The following DNAJC12 variants were observed in gnomAD, a reference collection of about 807,000 sequenced individuals.
DNAJC12 encodes the protein DnaJ heat shock protein family (Hsp40) member C12, also known as dnaJ homolog subfamily C member 12.
In DNAJC12, 25 loss-of-function variants were observed where a neutral mutation model predicts 28.5. The ratio of observed to expected loss-of-function variants is 0.88; its 90% CI spans 0.64 to 1.22. The LOEUF is 1.22. Ranked by LOEUF, DNAJC12 falls within the 50% of genes most tolerant of loss-of-function variation. DNAJC12 has a pLI of 0.00. For missense variants in DNAJC12, 222 were observed against 231.7 expected, an observed-to-expected ratio of 0.96 and a Z score of 0.27; for synonymous variants, 77 against 80.6, an observed-to-expected ratio of 0.95 and a Z score of 0.24.
intron 1 of DNAJC12, among the ~76,000 whole-genome samples, chr10:67,836,423 C>T (rs556206439): frequency 2.1e-4 from 32 of 150,368 alleles, no homozygotes; most frequent in Non-Finnish European, 3.8e-4. Flanking sequence ...GATATAATGA[C>T]CCTTACTGTA....
intron 2 of DNAJC12, among the ~76,000 whole-genome samples, chr10:67,811,909 C>T (rs534119690): frequency 1.3e-5 from 2 of 152,172 alleles, no homozygotes; most frequent in South Asian, 2.1e-4. Flanking sequence ...AGGCTACTCC[C>T]GGTGCTGATG....
At position 67,819,698 on chromosome 10, in the gene DNAJC12, GGAAGGAAGGAAGGAAGGAAGC is replaced by G. The variant is rs1564863267; in HGVS notation, c.157+3595_157+3615del. 7.5e-4 allele frequency among the ~76,000 whole-genome samples: 18 copies of G among 24,084 alleles called. 1 individual carries two copies. The highest frequency in any genetic ancestry group is 1.6e-3 in the Admixed American group (3 of 1,904). 15.8% of individuals were successfully genotyped at this position (24,084 alleles called of 152,430 possible). A position where few individuals can be genotyped will look rare whatever the true frequency, so the allele number is the denominator to read the frequency against. On this transcript the variant is annotated intron_variant, in intron 2 of 4. Transcript: ENST00000225171. ...AGAAAGAAAGAAAGAAAGAAAGAAA[GGAAGGAAGGAAGGAAGGAAGC>G]AAGGAAGGAAGGAAGGAAGGAAGGA...
At chr10:67,807,582 T>C (rs1021344483) in intron 3 of DNAJC12, among the ~76,000 whole-genome samples, 7 of 152,238 alleles carry the variant, frequency 4.6e-5, no homozygotes, top group Admixed American at 1.3e-4. Flanking sequence ...AGGCTGCCAG[T>C]GACTTCCTCT....
At chr10:67,823,508 C>G in intron 1 of DNAJC12, 116 bp from the exon 2 acceptor site, 1 of 768,726 alleles carries the variant, frequency 1.3e-6, no homozygotes, top group Non-Finnish European at 2.2e-6. Flanking sequence ...TAAGACCAGC[C>G]TGGACAACAA....
chr10:67,816,144 T>A (rs1387995564), intron 2 of DNAJC12: 1 of 398,396 alleles, frequency 2.5e-6, no homozygotes, highest in Non-Finnish European at 4.4e-6. Flanking sequence ...CTTCAAAATA[T>A]AGAGGTTATT....
chr10:67,826,951 TCATG>T (rs1842043067), intron 1 of DNAJC12, among the ~76,000 whole-genome samples: 1 of 142,904 alleles, frequency 7.0e-6, no homozygotes, highest in Non-Finnish European at 1.5e-5. Flanking sequence ...ATAATATATA[TCATG>T]ATTTATATAT....
At chr10:67,835,816 T>C (rs892086934) in intron 1 of DNAJC12, among the ~76,000 whole-genome samples, 1 of 152,032 alleles carries the variant, frequency 6.6e-6, no homozygotes, top group African/African-American at 2.4e-5. Flanking sequence ...TATCTAGATA[T>C]GATATGCCAT....
intron 1 of DNAJC12, among the ~76,000 whole-genome samples, chr10:67,825,144 C>A (rs979915896): frequency 6.6e-6 from 1 of 152,122 alleles, no homozygotes; most frequent in Non-Finnish European, 1.5e-5. Flanking sequence ...ATATAAGTAG[C>A]GCACTTAACA....
At chr10:67,800,644 C>T (rs1041602663) in intron 4 of DNAJC12, among the ~76,000 whole-genome samples, 4 of 152,074 alleles carry the variant, frequency 2.6e-5, no homozygotes, top group South Asian at 2.1e-4. Context: ...AAAATCATTG[C>T]GTACATTTAA....
chr10:67,797,738 T>C (rs1265575241), intron 4 of DNAJC12, among the ~76,000 whole-genome samples: 1 of 152,146 alleles, frequency 6.6e-6, no homozygotes, highest in Admixed American at 6.5e-5. Context: ...TTTATCAAAC[T>C]CGTTAAAATG....
intron 1 of DNAJC12, chr10:67,825,264 T>C (rs936959331): frequency 2.0e-5 from 3 of 152,206 alleles, no homozygotes. Flanking sequence ...GCTGAGTTTT[T>C]TGTTAAGTTA....
At chr10:67,811,262 A>T (rs1841855357) in intron 3 of DNAJC12, 5 of 1,237,668 alleles carry the variant, frequency 4.0e-6, no homozygotes, top group Non-Finnish European at 5.1e-6. Context: ...AGTAAGCAAT[A>T]ACAGGGAGTG....
chr10:67,826,109 G>C (rs767195844), intron 1 of DNAJC12, among the ~76,000 whole-genome samples: 19 of 150,924 alleles, frequency 1.3e-4, no homozygotes, highest in Non-Finnish European at 2.7e-4. Context: ...CAAGAGAACA[G>C]ATTATATCCT....
chr10:67,824,420 T>A (rs564235095), intron 1 of DNAJC12, among the ~76,000 whole-genome samples: 14 of 152,078 alleles, frequency 9.2e-5, no homozygotes, highest in African/African-American at 3.4e-4. Context: ...TGTCTTTTGG[T>A]CTTTTTCTTT....
chr10:67,806,156 T>C (rs930286509), intron 3 of DNAJC12, among the ~76,000 whole-genome samples: 4 of 152,168 alleles, frequency 2.6e-5, no homozygotes, highest in African/African-American at 9.7e-5. Context: ...TCAAGTGGAA[T>C]CATTAGCCCT....
In DNAJC12 at chr10:67,809,455, A is replaced by G. The variant is rs180734462; in HGVS notation, c.297+2069T>C. Among the ~76,000 whole-genome samples, 42 of 152,320 alleles carry G rather than the reference A, an allele frequency of 2.8e-4. No individual in the cohort carries two copies. In the East Asian group the frequency reaches 6.6e-3, roughly 24 times the overall value. On this transcript the variant is annotated intron_variant, in intron 3 of 4. Transcript: ENST00000225171. Reference sequence around the variant, plus strand: ...ACTACATGTCTAAATTTAAATCGCCAACATATTCATTGACCTGGGTGAGGT... The same window carrying G: ...ACTACATGTCTAAATTTAAATCGCCGACATATTCATTGACCTGGGTGAGGT...
rs143933195 is a variant in DNAJC12 at position 67,827,057 on chromosome 10, G to A, written c.79-3665C>T. ...AGGTAGAAAGTTTTGGGGGTTTATCGTTGCTGTTGTTTTATTTTTAATTCC... is the reference window on the plus strand; with the variant it reads ...AGGTAGAAAGTTTTGGGGGTTTATCATTGCTGTTGTTTTATTTTTAATTCC... On this transcript the variant is annotated intron_variant, in intron 1 of 4. Transcript: ENST00000225171. 2.8e-3 allele frequency among the ~76,000 whole-genome samples: 417 copies of A among 150,562 alleles called. 2 individuals carry two copies. The highest frequency in any genetic ancestry group is 9.4e-3 in the African/African-American group (386 of 41,054).
At chr10:67,798,612 G>A (rs1218562962) in intron 4 of DNAJC12, among the ~76,000 whole-genome samples, 1 of 152,112 alleles carries the variant, frequency 6.6e-6, no homozygotes, top group Admixed American at 6.5e-5. Flanking sequence ...AGCCCCAGAG[G>A]GGGAGGTTGC....
intron 1 of DNAJC12, among the ~76,000 whole-genome samples, chr10:67,828,974 A>C (rs1426786022): frequency 6.6e-6 from 1 of 152,142 alleles, no homozygotes; most frequent in Non-Finnish European, 1.5e-5. Context: ...GCAGACAGTA[A>C]AACACAAATA....
Sources: allele counts gnomAD v4.1 joint callset (sites outside exome capture counted in the v4.1 genomes callset), GRCh38; gene constraint gnomAD v4.1.1; transcripts MANE v1.5; gene names NCBI Gene and HGNC (gene_info 2026-07-23, HGNC 2026-07-21).